The following SHISA6 variants were observed in gnomAD, a reference collection of about 807,000 sequenced individuals.
The protein encoded by SHISA6 is protein shisa-6.
SHISA6 carries 22 observed loss-of-function variants against 47.9 expected under a neutral mutation model. The observed-to-expected ratio is 0.46, with a 90% CI of 0.33 to 0.66. The LOEUF (loss-of-function observed/expected upper bound fraction) is 0.66, where lower values mean the gene tolerates loss of function less well. SHISA6 is among the 30% of genes least tolerant of loss of function. The probability of loss-of-function intolerance (pLI) is 0.02; values close to 1 mark genes in which losing one functional copy is unlikely to be tolerated. For missense variants in SHISA6, 680 were observed against 764.6 expected (o/e 0.89, Z 1.30); for synonymous variants, 388 against 337.8 (o/e 1.15, Z -1.63).
intron 2 of SHISA6, among the ~76,000 whole-genome samples, chr17:11,343,785 A>G (rs1911611142): frequency 6.6e-6 from 1 of 152,252 alleles, no homozygotes; most frequent in South Asian, 2.1e-4. Flanking sequence ...TCATGTCCAA[A>G]GCAAAAATGA....
intron 2 of SHISA6, among the ~76,000 whole-genome samples, chr17:11,308,961 C>T (rs184700746): frequency 9.2e-5 from 14 of 152,262 alleles, no homozygotes; most frequent in Admixed American, 5.9e-4. Flanking sequence ...GAATCATCCA[C>T]GTGGCTTTTT....
chr17:11,331,743 AAC>A (rs5819313), intron 2 of SHISA6, among the ~76,000 whole-genome samples: 79,631 of 149,828 alleles, frequency 0.53, 21,744 homozygotes, highest in African/African-American at 0.68. Flanking sequence ...GGCTCTCTCA[AAC>A]ACACACACAC....
intron 2 of SHISA6, among the ~76,000 whole-genome samples, chr17:11,274,531 C>A (rs954636406): frequency 3.7e-5 from 5 of 136,776 alleles, no homozygotes; most frequent in Non-Finnish European, 7.4e-5. Context: ...GAGCTCTCAC[C>A]AGGAGGGAGA....
intron 3 of SHISA6, among the ~76,000 whole-genome samples, chr17:11,537,941 C>G (rs1008698631): frequency 3.9e-4 from 60 of 152,296 alleles, no homozygotes; most frequent in African/African-American, 1.4e-3. Flanking sequence ...TATGATGAAG[C>G]ACCAAAAATG....
rs1914595956 is a variant in SHISA6 at position 11,425,817 on chromosome 17, AAATC to A, written c.895+46309_895+46312del. On this transcript the variant is annotated intron_variant, in intron 3 of 5. Coordinates refer to ENST00000441885, the MANE Select transcript of SHISA6 (RefSeq NM_207386.4). ...GATGGCAATGGCAGCTCCAGACCTT[AAATC>A]CCCTAAGTTTTTTGTACTGCAAGAA... 3.9e-5 allele frequency among the ~76,000 whole-genome samples: 6 copies of A among 152,314 alleles called. No homozygotes were observed. The South Asian group carries it at 1.2e-3, about 32-fold the overall frequency.
At chr17:11,257,828 A>C (rs190556642) in intron 1 of SHISA6, among the ~76,000 whole-genome samples, 6 of 152,276 alleles carry the variant, frequency 3.9e-5, no homozygotes, top group African/African-American at 1.4e-4. Context: ...AGAATTAGCT[A>C]TCAGAGACTT....
intron 3 of SHISA6, among the ~76,000 whole-genome samples, chr17:11,531,741 G>A (rs939621556): frequency 8.5e-5 from 13 of 152,276 alleles, no homozygotes; most frequent in South Asian, 4.1e-4. Context: ...TGCCTTAGAC[G>A]GGAGGAATAA....
intron 2 of SHISA6, among the ~76,000 whole-genome samples, chr17:11,270,040 A>G (rs549329320): frequency 6.6e-6 from 1 of 152,278 alleles, no homozygotes; most frequent in Non-Finnish European, 1.5e-5. Flanking sequence ...CAGTGGTGCA[A>G]TCTCAGCTCA....
At chr17:11,389,493 C>T (rs1913316738) in intron 3 of SHISA6, among the ~76,000 whole-genome samples, 1 of 152,206 alleles carries the variant, frequency 6.6e-6, no homozygotes, top group African/African-American at 2.4e-5. Flanking sequence ...CCATATTCCT[C>T]AGCATTCACC....
chr17:11,557,298 A>G (rs1049964725), intron 5 of SHISA6, among the ~76,000 whole-genome samples: 1 of 152,244 alleles, frequency 6.6e-6, no homozygotes, highest in Non-Finnish European at 1.5e-5. Context: ...TGGATGTTTT[A>G]GTAAGACAGA....
intron 3 of SHISA6, among the ~76,000 whole-genome samples, chr17:11,456,333 A>C (rs1277912570): frequency 1.3e-5 from 2 of 152,150 alleles, no homozygotes. Context: ...GTGACTTCCC[A>C]GGGGAGTTCT....
At chr17:11,333,901 C>T (rs1597462782) in intron 2 of SHISA6, among the ~76,000 whole-genome samples, 3 of 152,264 alleles carry the variant, frequency 2.0e-5, no homozygotes, top group African/African-American at 4.8e-5. Flanking sequence ...CATGTGGAGG[C>T]GCTGTGAGGA....
At chr17:11,531,683 T>C (rs2071734304) in intron 3 of SHISA6, among the ~76,000 whole-genome samples, 1 of 152,210 alleles carries the variant, frequency 6.6e-6, no homozygotes, top group South Asian at 2.1e-4. Flanking sequence ...CCTTCACATT[T>C]ATAACATTGA....
intron 2 of SHISA6, among the ~76,000 whole-genome samples, chr17:11,269,537 A>C (rs1039965618): frequency 2.0e-5 from 3 of 152,196 alleles, no homozygotes; most frequent in African/African-American, 7.2e-5. Flanking sequence ...CAGGCAACCC[A>C]GAGAGTCCCT....
intron 3 of SHISA6, among the ~76,000 whole-genome samples, chr17:11,517,896 C>T (rs1429125739): frequency 6.6e-6 from 1 of 152,078 alleles, no homozygotes; most frequent in Admixed American, 6.5e-5. Flanking sequence ...TCAATGGCCA[C>T]TCATTTGTAG....
intron 4 of SHISA6, among the ~76,000 whole-genome samples, chr17:11,554,210 A>C (rs979891290): frequency 2.6e-5 from 4 of 152,178 alleles, no homozygotes; most frequent in Non-Finnish European, 4.4e-5. Context: ...AGCACTCCCA[A>C]GTTCCTGCTC....
intron 2 of SHISA6, among the ~76,000 whole-genome samples, chr17:11,372,696 C>T (rs986402161): frequency 6.6e-6 from 1 of 151,824 alleles, no homozygotes; most frequent in African/African-American, 2.4e-5. Context: ...AGGCCTTTAT[C>T]TCATGTATTG....
At chr17:11,337,201 G>T (rs994254655) in intron 2 of SHISA6, among the ~76,000 whole-genome samples, 3 of 152,142 alleles carry the variant, frequency 2.0e-5, no homozygotes, top group African/African-American at 7.2e-5. Context: ...GATCCAGGGG[G>T]CAGAAGTGAG....
At chr17:11,321,093 G>A (rs1274224926) in intron 2 of SHISA6, among the ~76,000 whole-genome samples, 1 of 152,160 alleles carries the variant, frequency 6.6e-6, no homozygotes, top group African/African-American at 2.4e-5. Context: ...TATTTATGAA[G>A]CAGCTCAGTG....
Sources: allele counts gnomAD v4.1 joint callset (sites outside exome capture counted in the v4.1 genomes callset), GRCh38; gene constraint gnomAD v4.1.1; transcripts MANE v1.5; gene names NCBI Gene and HGNC (gene_info 2026-07-23, HGNC 2026-07-21).